Variants in PLPPR1 observed in about 807,000 individuals in gnomAD.
The protein encoded by PLPPR1 is phospholipid phosphatase-related protein type 1.
Under a neutral mutation model 33.1 loss-of-function variants are expected in PLPPR1, and 10 were observed. That is an observed-to-expected ratio of 0.30 (90% CI 0.19 to 0.51). The LOEUF (loss-of-function observed/expected upper bound fraction) is 0.51. Ranked by LOEUF, PLPPR1 falls within the 20% of genes least tolerant of loss-of-function variation. The pLI is 0.97. For missense variants in PLPPR1, 304 were observed against 408.1 expected (o/e 0.74, Z 2.20); for synonymous variants, 151 against 151.0 (o/e 1.00, Z 0.00).
chr9:101,109,134 A>ATTTTTTTTTT (rs67666339), intron 1 of PLPPR1, among the ~76,000 whole-genome samples: 41 of 99,694 alleles, frequency 4.1e-4, no homozygotes, highest in African/African-American at 5.1e-4. Flanking sequence ...AATTTTTTGT[A>ATTTTTTTTTT]TTTTTTTTTT....
intron 1 of PLPPR1, among the ~76,000 whole-genome samples, chr9:101,103,263 G>A (rs1830935102): frequency 9.1e-6 from 1 of 109,680 alleles, no homozygotes; most frequent in Admixed American, 9.4e-5. Context: ...TTTCTTCTAG[G>A]GTTTTTATGG....
chr9:101,241,941 T>C (rs960092683), intron 2 of PLPPR1, among the ~76,000 whole-genome samples: 4 of 152,106 alleles, frequency 2.6e-5, no homozygotes, highest in Non-Finnish European at 5.9e-5. Flanking sequence ...AAATGCATTT[T>C]ATTTTGCACA....
chr9:101,302,494 CA>C (rs1209817825), intron 4 of PLPPR1, among the ~76,000 whole-genome samples: 1 of 152,050 alleles, frequency 6.6e-6, no homozygotes, highest in East Asian at 1.9e-4. Flanking sequence ...GGTACCTTGG[CA>C]AAAATGGAAT....
rs150471743 is a variant in PLPPR1, at chr9:101,325,065, T to C, written c.*1008T>C. On this transcript the variant is annotated 3_prime_UTR_variant, in exon 8 of 8. Transcript: ENST00000374874. ...AGAATGTTTTCTTGACACTTCCATG[T>C]TGGCTCTTCTCAGCTTTTTTTGTAC... 1 of 152,394 alleles carries C rather than the reference T, an allele frequency of 6.6e-6. No individual in the cohort carries two copies. 9.4% of individuals were successfully genotyped at this position (152,394 alleles called of 1,614,324 possible). A position where few individuals can be genotyped will look rare whatever the true frequency, so the allele number is the denominator to read the frequency against.
intron 1 of PLPPR1, among the ~76,000 whole-genome samples, chr9:101,164,305 A>T (rs1564162925): frequency 6.6e-6 from 1 of 151,790 alleles, no homozygotes; most frequent in African/African-American, 2.4e-5. Flanking sequence ...TATTTCATAG[A>T]GTTGTTATGA....
chr9:101,050,017 C>T (rs1185948789), intron 1 of PLPPR1, among the ~76,000 whole-genome samples: 1 of 144,908 alleles, frequency 6.9e-6, no homozygotes, highest in Non-Finnish European at 1.5e-5. Context: ...CCCAGCTACT[C>T]GGGAGGCTGA....
rs530318238 is a variant in PLPPR1 at position 101,116,522 on chromosome 9, T to G, written c.-45-68928T>G. Among the ~76,000 whole-genome samples, 21 of 152,252 alleles carry G rather than the reference T, an allele frequency of 1.4e-4. No homozygotes were observed. In the South Asian group the frequency reaches 4.3e-3, roughly 32 times the overall value. On this transcript the variant is annotated intron_variant, in intron 1 of 7. Transcript: ENST00000374874. ...TGCTGTTGTACTCTTTGTGTAGAAA[T>G]GCAGGATAACGGCTTGGCGCAGTGG...
chr9:101,082,441 T>A (rs1219888393), intron 1 of PLPPR1, among the ~76,000 whole-genome samples: 1 of 152,152 alleles, frequency 6.6e-6, no homozygotes, highest in Non-Finnish European at 1.5e-5. Context: ...TTTTATTTTT[T>A]TAGGAAAAAA....
intron 2 of PLPPR1, among the ~76,000 whole-genome samples, chr9:101,207,772 G>A (rs910330068): frequency 1.3e-5 from 2 of 152,140 alleles, no homozygotes; most frequent in African/African-American, 4.8e-5. Context: ...GTGCCTCTGA[G>A]AGATTTTGAA....
intron 2 of PLPPR1, among the ~76,000 whole-genome samples, chr9:101,198,430 C>T (rs1826437215): frequency 6.6e-6 from 1 of 152,182 alleles, no homozygotes; most frequent in South Asian, 2.1e-4. Context: ...ACAACCAAAC[C>T]TGCAGGTCTT....
intron 5 of PLPPR1, among the ~76,000 whole-genome samples, chr9:101,309,880 T>G (rs1828925610): frequency 6.6e-6 from 1 of 152,096 alleles, no homozygotes; most frequent in Non-Finnish European, 1.5e-5. Flanking sequence ...TGCCTAGAAA[T>G]TTGCAAGCAT....
intron 1 of PLPPR1, among the ~76,000 whole-genome samples, chr9:101,148,173 C>T (rs1330228144): frequency 6.6e-6 from 1 of 152,096 alleles, no homozygotes; most frequent in Non-Finnish European, 1.5e-5. Context: ...TGGAATGTAC[C>T]TCCCTTGGAC....
chr9:101,232,774 G>A (rs183917649), intron 2 of PLPPR1, among the ~76,000 whole-genome samples: 63 of 152,052 alleles, frequency 4.1e-4, no homozygotes, highest in African/African-American at 1.4e-3. Context: ...TCTTGGGCAA[G>A]TTATTTTTTC....
chr9:101,108,565 A>T (rs1441782365), intron 1 of PLPPR1, among the ~76,000 whole-genome samples: 2 of 152,272 alleles, frequency 1.3e-5, no homozygotes, highest in African/African-American at 4.8e-5. Flanking sequence ...AACAACAGGC[A>T]TAGACAAGAA....
chr9:101,152,682 C>A (rs560026657), intron 1 of PLPPR1, among the ~76,000 whole-genome samples: 1 of 152,042 alleles, frequency 6.6e-6, no homozygotes, highest in East Asian at 1.9e-4. Context: ...TTGTTTTTGT[C>A]AGGTGTGTCA....
At chr9:101,186,351 G>T (rs983083517) in intron 2 of PLPPR1, among the ~76,000 whole-genome samples, 1 of 151,628 alleles carries the variant, frequency 6.6e-6, no homozygotes. Context: ...CTAAAGATCA[G>T]ACCTAAAATA....
intron 4 of PLPPR1, among the ~76,000 whole-genome samples, chr9:101,303,898 C>T (rs796248806): frequency 1.3e-5 from 2 of 152,160 alleles, no homozygotes; most frequent in African/African-American, 4.8e-5. Flanking sequence ...AGGGACATTT[C>T]TAAGATATGC....
intron 1 of PLPPR1, among the ~76,000 whole-genome samples, chr9:101,099,002 T>C (rs146938443): frequency 1.3e-4 from 20 of 152,136 alleles, no homozygotes; most frequent in African/African-American, 4.8e-4. Flanking sequence ...GTTCAAAGCC[T>C]AAAGGCACCA....
At chr9:101,193,543 T>C (rs1588066482) in intron 2 of PLPPR1, among the ~76,000 whole-genome samples, 1 of 152,236 alleles carries the variant, frequency 6.6e-6, no homozygotes, top group African/African-American at 2.4e-5. Context: ...AACATTTTGA[T>C]GAACTAGATA....
Sources: gnomAD v4.1 joint callset for allele counts (sites outside exome capture counted in the v4.1 genomes callset) on GRCh38, gnomAD v4.1.1 for gene constraint, MANE v1.5 for transcripts, NCBI Gene and HGNC (gene_info 2026-07-23, HGNC 2026-07-21) for gene names.